SERP1: variants seen among roughly 807,000 people sequenced by gnomAD.
SERP1 encodes the protein stress-associated endoplasmic reticulum protein 1.
Under a neutral mutation model 8.8 loss-of-function variants are expected in SERP1, and 6 were observed. The ratio of observed to expected loss-of-function variants is 0.68; its 90% CI spans 0.37 to 1.35. SERP1 has a LOEUF of 1.35. Among genes scored for constraint, SERP1 ranks in the 40% most tolerant of loss-of-function variants. The pLI is 0.02. For missense variants in SERP1, 52 were observed against 86.2 expected (o/e 0.60, Z 1.57); for synonymous variants, 36 against 28.7 (o/e 1.25, Z -0.81).
Position 150,544,104 on chromosome 3 carries a change from T to G in SERP1, c.*354A>C. 1 of 210,418 alleles carries G rather than the reference T, an allele frequency of 4.8e-6. No homozygotes were observed. The highest frequency in any genetic ancestry group is 1.1e-4 in the East Asian group (1 of 9,332). 13.0% of individuals were successfully genotyped at this position (210,418 alleles called of 1,614,324 possible). On this transcript the variant is annotated 3_prime_UTR_variant, in exon 3 of 3. Transcript: ENST00000239944. ...GCTAACTGCAGTTATACATTTGGGTTAACAAAATCTAGACCCTGTCTATGC... is the reference window on the plus strand; with the variant it reads ...GCTAACTGCAGTTATACATTTGGGTGAACAAAATCTAGACCCTGTCTATGC...
At position 150,546,217 on chromosome 3, in the gene SERP1, G is replaced by A; in HGVS notation, c.-82C>T. ...TCCTCTGGAGCCGCTGCGAGGCTCG[G>A]CTCGTGGTGCCCGCGCCGCCGGAGC... On this transcript the variant is annotated 5_prime_UTR_variant, in exon 1 of 3. Coordinates refer to ENST00000239944, the MANE Select transcript of SERP1 (RefSeq NM_014445.4). The A allele has an allele frequency of 6.8e-7, 1 of 1,471,532 alleles. No individual in the cohort carries two copies. Among genetic ancestry groups the A allele is most frequent in the Admixed American group, 1.8e-5 (1 of 57,012 alleles). 91.2% of individuals were successfully genotyped at this position (1,471,532 alleles called of 1,614,324 possible).
intron 1 of SERP1, 135 bp from the exon 2 acceptor site, chr3:150,545,913 G>A: frequency 7.3e-7 from 1 of 1,360,608 alleles, no homozygotes; most frequent in Non-Finnish European, 1.0e-6. Context: ...ACAGTCTGGC[G>A]GTTCGCAGAC....
At position 150,545,688 on chromosome 3, in the gene SERP1, C is replaced by G. The variant is rs1469210471; in HGVS notation, c.160+15G>C. 1.3e-6 allele frequency: 2 copies of G among 1,598,404 alleles called. No individual in the cohort carries two copies. The highest frequency in any genetic ancestry group is 2.3e-5 in the South Asian group (2 of 88,828). Reference sequence around the variant, plus strand: ...ACCCAAGACTCTACCTGATGGGAGCCCCCAAGCCACTTACCAGAACCACAG... The same window carrying G: ...ACCCAAGACTCTACCTGATGGGAGCGCCCAAGCCACTTACCAGAACCACAG... On this transcript the variant is annotated intron_variant, in intron 2 of 2. Transcript: ENST00000239944.
In SERP1 at chr3:150,546,136, C is replaced by T; in HGVS notation, c.-1G>A. ...TACGGATCCTTTGCTTGGCGACCATCTTCGCGGCGCCACCACCTGCCCCGG... is the reference window on the plus strand; with the variant it reads ...TACGGATCCTTTGCTTGGCGACCATTTTCGCGGCGCCACCACCTGCCCCGG... On this transcript the variant is annotated 5_prime_UTR_variant, in exon 1 of 3. Coordinates refer to ENST00000239944, the MANE Select transcript of SERP1 (RefSeq NM_014445.4). The T allele has an allele frequency of 5.6e-6, 9 of 1,613,058 alleles. No individual in the cohort carries two copies. Among genetic ancestry groups the T allele is most frequent in the Non-Finnish European group, 7.6e-6 (9 of 1,179,840 alleles).
chr3:150,545,855 C>G, intron 1 of SERP1, 77 bp from the exon 2 acceptor site: 1 of 1,455,820 alleles, frequency 6.9e-7, no homozygotes, highest in Non-Finnish European at 9.3e-7. Flanking sequence ...GCACGCCGGT[C>G]GCCGGCCCCC....
chr3:150,545,980 C>T, intron 1 of SERP1, 72 bp downstream of exon 1: 1 of 1,586,610 alleles, frequency 6.3e-7, no homozygotes. Flanking sequence ...CGGGAGAAAA[C>T]GCGACGCGGC....
rs1442783629 is a variant in SERP1 at position 150,542,246 on chromosome 3, G to C, written c.*2212C>G. 1 of 152,158 alleles carries C rather than the reference G, an allele frequency of 6.6e-6. No homozygotes were observed. Among genetic ancestry groups the C allele is most frequent in the Non-Finnish European group, 1.5e-5 (1 of 68,018 alleles). 9.4% of individuals were successfully genotyped at this position (152,158 alleles called of 1,614,324 possible). A position where few individuals can be genotyped will look rare whatever the true frequency, so the allele number is the denominator to read the frequency against. The stretch of plus-strand genomic sequence containing the variant: ...ATTAGATGATCTATAAAATTCAACT[G>C]GCAAAGGGAGATCAAAGAATTGTGC... On this transcript the variant is annotated 3_prime_UTR_variant, in exon 3 of 3. Transcript: ENST00000239944.
rs1722933409 is a variant in SERP1, at chr3:150,544,279, G to A, written c.*179C>T. The A allele has an allele frequency of 1.6e-6, 1 of 618,888 alleles. No individual in the cohort carries two copies. The highest frequency in any genetic ancestry group is 2.9e-6 in the Non-Finnish European group (1 of 344,182). 38.3% of individuals were successfully genotyped at this position (618,888 alleles called of 1,614,324 possible). A position where few individuals can be genotyped will look rare whatever the true frequency, so the allele number is the denominator to read the frequency against. ...TGTTTTTTGCAAGGCACTGTGGTAT[G>A]GACTAGAAAACTTGGAATGACTCAT... On this transcript the variant is annotated 3_prime_UTR_variant, in exon 3 of 3. Transcript: ENST00000239944.
intron 2 of SERP1, among the ~76,000 whole-genome samples, chr3:150,545,123 T>C (rs1227443531): frequency 6.6e-6 from 1 of 152,240 alleles, no homozygotes; most frequent in African/African-American, 2.4e-5. Flanking sequence ...TCTGTTACTC[T>C]TAGGGGACAG....
At position 150,542,395 on chromosome 3, in the gene SERP1, G is replaced by A. The variant is rs1406805981; in HGVS notation, c.*2063C>T. 2 of 152,160 alleles carry A rather than the reference G, an allele frequency of 1.3e-5. No homozygotes were observed. Among genetic ancestry groups the A allele is most frequent in the African/African-American group, 4.8e-5 (2 of 41,438 alleles). 9.4% of individuals were successfully genotyped at this position (152,160 alleles called of 1,614,324 possible). On this transcript the variant is annotated 3_prime_UTR_variant, in exon 3 of 3. Coordinates refer to ENST00000239944, the MANE Select transcript of SERP1 (RefSeq NM_014445.4). ...ATTTCCAGTTATAAACCTTACATCTGTGCCTCTGCATACCATTTAAGTACA... is the reference window on the plus strand; with the variant it reads ...ATTTCCAGTTATAAACCTTACATCTATGCCTCTGCATACCATTTAAGTACA...
chr3:150,544,593 G>C, intron 2 of SERP1, 95 bp from the exon 3 acceptor site: 1 of 980,960 alleles, frequency 1.0e-6, no homozygotes, highest in Non-Finnish European at 1.6e-6. Context: ...GAATCCAAAG[G>C]TACTCTTACA....
intron 2 of SERP1, among the ~76,000 whole-genome samples, chr3:150,545,095 T>G (rs1722951912): frequency 6.6e-6 from 1 of 152,214 alleles, no homozygotes; most frequent in South Asian, 2.1e-4. Flanking sequence ...TTTTGTAATC[T>G]ATTTGCAAAG....
Position 150,545,731 on chromosome 3 carries a change from A to C in SERP1, c.132T>G (p.Ala44=), listed in dbSNP as rs373214078. 9.3e-6 allele frequency: 15 copies of C among 1,609,230 alleles called. No homozygotes were observed. The highest frequency in any genetic ancestry group is 1.2e-5 in the Non-Finnish European group (14 of 1,177,480). ...EKASVGPWLL[A]LFIFVVCGSA... ...AACCACAGACAACAAAAATGAAGAG[A>C]GCCAATAACCAGGGTCCTACAGACG... Residue 44 remains alanine, a synonymous_variant, in exon 2 of 3, where the codon GCT becomes GCG. Transcript: ENST00000239944.
At chr3:150,545,810 C>T in intron 1 of SERP1, 32 bp from the exon 2 acceptor site, 1 of 1,579,362 alleles carries the variant, frequency 6.3e-7, no homozygotes, top group Non-Finnish European at 8.6e-7. Flanking sequence ...ATTTCAGATG[C>T]AGAGAAACCA....
chr3:150,545,093 T>C (rs1722951751), intron 2 of SERP1, among the ~76,000 whole-genome samples: 1 of 152,174 alleles, frequency 6.6e-6, no homozygotes, highest in Non-Finnish European at 1.5e-5. Flanking sequence ...TTTTTTGTAA[T>C]CTATTTGCAA....
In SERP1 at chr3:150,546,210, A is replaced by AGGCTC. The variant is rs1723010315; in HGVS notation, c.-80_-76dup. ...GCCTGCCTCCTCTGGAGCCGCTGCG[A>AGGCTC]GGCTCGGCTCGTGGTGCCCGCGCCG... is the stretch of plus-strand genomic sequence containing the variant. On this transcript the variant is annotated 5_prime_UTR_variant, in exon 1 of 3. Transcript: ENST00000239944. 10 of 1,533,750 alleles carry AGGCTC rather than the reference A, an allele frequency of 6.5e-6. No individual in the cohort carries two copies. The highest frequency in any genetic ancestry group is 8.9e-7 in the Non-Finnish European group (1 of 1,118,386).
intron 1 of SERP1, 123 bp from the exon 2 acceptor site, chr3:150,545,901 CCA>C (rs762230496): frequency 2.9e-6 from 4 of 1,361,174 alleles, no homozygotes; most frequent in South Asian, 1.3e-5. Context: ...TCCCGAGCCC[CCA>C]CAGTCTGGCG....
chr3:150,544,263 C>T lies in SERP1; in HGVS notation c.*195G>A, dbSNP rs972432262. The T allele has an allele frequency of 1.3e-5, 7 of 555,402 alleles. No homozygotes were observed. Among genetic ancestry groups the T allele is most frequent in the Non-Finnish European group, 2.3e-5 (7 of 306,668 alleles). 34.4% of individuals were successfully genotyped at this position (555,402 alleles called of 1,614,324 possible). A position where few individuals can be genotyped will look rare whatever the true frequency, so the allele number is the denominator to read the frequency against. On this transcript the variant is annotated 3_prime_UTR_variant, in exon 3 of 3. Transcript: ENST00000239944. Reference sequence around the variant, plus strand: ...TGCTTTATTCATGTGGTGTTTTTTGCAAGGCACTGTGGTATGGACTAGAAA... The same window carrying T: ...TGCTTTATTCATGTGGTGTTTTTTGTAAGGCACTGTGGTATGGACTAGAAA...
In SERP1 at chr3:150,545,793, A is replaced by C; in HGVS notation, c.85-15T>G. ...GGGGCATTTCTCTGCAAAAGCGAAA[A>C]TCCACCATTTCAGATGCAGAGAAAC... On this transcript the variant is annotated splice_polypyrimidine_tract_variant and intron_variant, in intron 1 of 2. Transcript: ENST00000239944. The C allele has an allele frequency of 6.3e-7, 1 of 1,599,256 alleles. No homozygotes were observed.
Sources: allele counts gnomAD v4.1 joint callset (sites outside exome capture counted in the v4.1 genomes callset), GRCh38; gene constraint gnomAD v4.1.1; transcripts MANE v1.5; gene names NCBI Gene and HGNC (gene_info 2026-07-23, HGNC 2026-07-21).